Variants in PLCXD3 observed in about 807,000 individuals in gnomAD.
PLCXD3 encodes PI-PLC X domain-containing protein 3.
PLCXD3 carries 19 observed loss-of-function variants against 25.5 expected under a neutral mutation model. That is an observed-to-expected ratio of 0.75 (90% CI 0.52 to 1.09). PLCXD3 has a LOEUF of 1.09. Ranked by LOEUF, PLCXD3 falls within the 50% of genes least tolerant of loss-of-function variation. The pLI, the probability that PLCXD3 is intolerant of heterozygous loss-of-function variation, is 0.00. For synonymous variants in PLCXD3, 174 were observed against 137.6 expected (o/e 1.26, Z -1.85); for missense variants, 411 against 388.1 (o/e 1.06, Z -0.50).
At chr5:41,425,109 T>G (rs1240869557) in intron 1 of PLCXD3, among the ~76,000 whole-genome samples, 12 of 152,198 alleles carry the variant, frequency 7.9e-5, no homozygotes, top group Non-Finnish European at 1.5e-5. Context: ...CTTTTAATCA[T>G]TGTATAGTAA....
chr5:41,366,427 ACTTT>A (rs1561247277), intron 2 of PLCXD3, among the ~76,000 whole-genome samples: 1 of 152,204 alleles, frequency 6.6e-6, no homozygotes, highest in African/African-American at 2.4e-5. Flanking sequence ...GTATCTGAGC[ACTTT>A]CAGGAGACCA....
rs755804969 is a variant in PLCXD3, at chr5:41,382,532, A to G, written c.106T>C (p.Ser36Pro). 6.3e-7 allele frequency: 1 copy of G among 1,585,324 alleles called. No individual in the cohort carries two copies. Among genetic ancestry groups the G allele is most frequent in the Non-Finnish European group, 8.5e-7 (1 of 1,170,350 alleles). Residue 36 changes from serine to proline, a missense_variant and splice_region_variant, in exon 2 of 3, where the codon TCT becomes CCT. By Grantham distance (74) the Ser-to-Pro change is moderately conservative (BLOSUM62 -1). Transcript: ENST00000377801. ...IPLTNLAIPG[S>P]HDSFSFYIDE... ...ATGTAGAAGCTGAAGGAATCATGAG[A>G]CCCTAGGAGAATAACAAGGCATAGT...
At chr5:41,453,663 G>A (rs936065109) in intron 1 of PLCXD3, among the ~76,000 whole-genome samples, 18 of 152,002 alleles carry the variant, frequency 1.2e-4, no homozygotes, top group South Asian at 4.1e-4. Context: ...AGGCCAGCAC[G>A]GCATCTAGCA....
At position 41,396,114 on chromosome 5, in the gene PLCXD3, G is replaced by T. The variant is rs1745996459; in HGVS notation, c.104-13580C>A. Among the ~76,000 whole-genome samples, 5 of 152,010 alleles carry T rather than the reference G, an allele frequency of 3.3e-5. No individual in the cohort carries two copies. The South Asian group carries it at 1.0e-3, about 32-fold the overall frequency. ...TACTAGGAGACTGAATTCAACAATA[G>T]ATTAGAAAGATCATTCACCGTGACT... On this transcript the variant is annotated intron_variant, in intron 1 of 2. Transcript: ENST00000377801.
chr5:41,372,597 A>G (rs1238038525), intron 2 of PLCXD3, among the ~76,000 whole-genome samples: 3 of 152,112 alleles, frequency 2.0e-5, no homozygotes, highest in Non-Finnish European at 4.4e-5. Context: ...CCCGGAGGAC[A>G]TAGGATGAAC....
intron 2 of PLCXD3, among the ~76,000 whole-genome samples, chr5:41,319,940 C>G (rs1264668434): frequency 6.6e-6 from 1 of 151,990 alleles, no homozygotes; most frequent in East Asian, 1.9e-4. Context: ...ACTGACACTG[C>G]AGAAATTCAA....
chr5:41,363,451 G>A (rs1322100053), intron 2 of PLCXD3, among the ~76,000 whole-genome samples: 2 of 152,146 alleles, frequency 1.3e-5, no homozygotes, highest in Non-Finnish European at 2.9e-5. Context: ...TGACTCTAAA[G>A]TAGTGGAATT....
At chr5:41,395,137 C>T (rs1745962771) in intron 1 of PLCXD3, among the ~76,000 whole-genome samples, 1 of 152,060 alleles carries the variant, frequency 6.6e-6, no homozygotes, top group Non-Finnish European at 1.5e-5. Flanking sequence ...TCTCTGACCA[C>T]ATTGGAATAA....
At chr5:41,472,444 A>T (rs767803401) in intron 1 of PLCXD3, among the ~76,000 whole-genome samples, 32 of 152,172 alleles carry the variant, frequency 2.1e-4, no homozygotes, top group Non-Finnish European at 4.6e-4. Flanking sequence ...CCAGCAAGAG[A>T]TTTTAAGGGG....
intron 1 of PLCXD3, among the ~76,000 whole-genome samples, chr5:41,383,653 A>G (rs1435170407): frequency 6.6e-6 from 1 of 151,948 alleles, no homozygotes; most frequent in Non-Finnish European, 1.5e-5. Flanking sequence ...TAGTACCATC[A>G]TTCCCTATCT....
chr5:41,435,051 G>C (rs907619920), intron 1 of PLCXD3, among the ~76,000 whole-genome samples: 1 of 152,200 alleles, frequency 6.6e-6, no homozygotes, highest in African/African-American at 2.4e-5. Flanking sequence ...GCAAGTATCA[G>C]TATTTCAGCA....
chr5:41,455,406 G>GA (rs1345014532), intron 1 of PLCXD3, among the ~76,000 whole-genome samples: 3 of 151,850 alleles, frequency 2.0e-5, no homozygotes, highest in Non-Finnish European at 4.4e-5. Context: ...GTTTAAATAT[G>GA]ATTGACAAGT....
chr5:41,428,957 A>G (rs1747030772), intron 1 of PLCXD3, among the ~76,000 whole-genome samples: 1 of 152,158 alleles, frequency 6.6e-6, no homozygotes, highest in Non-Finnish European at 1.5e-5. Context: ...ATTTCCAGAT[A>G]CTGGAATAGT....
intron 1 of PLCXD3, among the ~76,000 whole-genome samples, chr5:41,482,165 A>T (rs572122962): frequency 6.6e-6 from 1 of 151,946 alleles, no homozygotes; most frequent in Admixed American, 6.6e-5. Flanking sequence ...TTTTCTCTGC[A>T]GTTGTTTACA....
At chr5:41,480,602 C>G (rs1461064352) in intron 1 of PLCXD3, among the ~76,000 whole-genome samples, 2 of 151,778 alleles carry the variant, frequency 1.3e-5, no homozygotes, top group Non-Finnish European at 2.9e-5. Flanking sequence ...GGATTTAAGA[C>G]AATGTCTAGG....
At chr5:41,354,222 G>A (rs1383647939) in intron 2 of PLCXD3, among the ~76,000 whole-genome samples, 6 of 152,042 alleles carry the variant, frequency 3.9e-5, no homozygotes, top group Admixed American at 3.3e-4. Flanking sequence ...TTTGCAGCCC[G>A]GACTTCTCTC....
intron 1 of PLCXD3, among the ~76,000 whole-genome samples, chr5:41,473,260 TG>T (rs1448832934): frequency 1.3e-5 from 2 of 152,090 alleles, no homozygotes; most frequent in Non-Finnish European, 2.9e-5. Flanking sequence ...GGGCCTTTAA[TG>T]AATCAATTTG....
intron 1 of PLCXD3, among the ~76,000 whole-genome samples, chr5:41,439,101 T>C (rs938860262): frequency 6.6e-6 from 1 of 152,166 alleles, no homozygotes; most frequent in Non-Finnish European, 1.5e-5. Flanking sequence ...GATATTTCCA[T>C]TGAAGGGAGA....
At chr5:41,440,162 T>C (rs1747347915) in intron 1 of PLCXD3, among the ~76,000 whole-genome samples, 1 of 151,134 alleles carries the variant, frequency 6.6e-6, no homozygotes, top group Non-Finnish European at 1.5e-5. Flanking sequence ...CGTCAGATCT[T>C]AGCTCCGTTA....
Sources: gnomAD v4.1 joint callset for allele counts (sites outside exome capture counted in the v4.1 genomes callset) on GRCh38, gnomAD v4.1.1 for gene constraint, MANE v1.5 for transcripts, NCBI Gene and HGNC (gene_info 2026-07-23, HGNC 2026-07-21) for gene names.